The following PFKFB3 variants were observed in gnomAD, a reference collection of about 807,000 sequenced individuals.
PFKFB3 encodes 6-phosphofructo-2-kinase/fructose-2,6-biphosphatase 3.
A neutral mutation model predicts 68.0 loss-of-function variants in PFKFB3; 33 were observed. The ratio of observed to expected loss-of-function variants is 0.49; its 90% CI spans 0.37 to 0.65. PFKFB3 has a LOEUF of 0.65. Among genes scored for constraint, PFKFB3 ranks in the 30% least tolerant of loss-of-function variants. The pLI is 0.00. For synonymous variants in PFKFB3, 315 were observed against 288.2 expected, an observed-to-expected ratio of 1.09 and a Z score of -0.94; for missense variants, 586 against 712.2, an observed-to-expected ratio of 0.82 and a Z score of 2.02.
downstream of PFKFB3, among the ~76,000 whole-genome samples, chr10:6,257,264 T>C (rs1441707343): frequency 1.3e-5 from 2 of 152,310 alleles, no homozygotes; most frequent in East Asian, 3.9e-4. Flanking sequence ...GCCTATTGTA[T>C]CTAGGCTGTG....
In PFKFB3 at chr10:6,170,123, G is replaced by A. The variant is rs192225230; in HGVS notation, c.16+25110G>A. Among the ~76,000 whole-genome samples the A allele has an allele frequency of 1.5e-4, 23 of 152,250 alleles. 1 individual carries two copies. The highest frequency in any genetic ancestry group is 5.8e-4 in the East Asian group (3 of 5,170). On this transcript the variant is annotated intron_variant, in intron 1 of 14. Coordinates refer to the PFKFB3 transcript ENST00000379789. ...CACCCCGTGGTTCTTTAATGAAGAC[G>A]ATGGTTTTCCTTTTAAGCAAAAGAA... is the stretch of plus-strand genomic sequence containing the variant.
Position 6,205,779 on chromosome 10 carries a change from ATTATTTAT to A in PFKFB3, c.76+2465_76+2472del, listed in dbSNP as rs57825789. 5.4e-3 allele frequency among the ~76,000 whole-genome samples: 790 copies of A among 146,284 alleles called. 7 individuals carry two copies. Among genetic ancestry groups the A allele is most frequent in the African/African-American group, 0.016 (635 of 39,746 alleles). ...TCTGCAGCAGAGTTCCCTGAGGTTT[ATTATTTAT>A]TTATTTATTTATTTATTTATTCATT... On this transcript the variant is annotated intron_variant, in intron 1 of 14. Transcript: ENST00000379775.
At chr10:6,291,535 G>A in the PFKFB3 span, among the ~76,000 whole-genome samples, 1 of 143,212 alleles carries the variant, frequency 7.0e-6, no homozygotes, top group African/African-American at 2.6e-5. Context: ...CTGGGCAGTG[G>A]AATAAGTGAG....
intron 14 of PFKFB3, among the ~76,000 whole-genome samples, chr10:6,249,131 G>A (rs1421360075): frequency 2.1e-5 from 3 of 141,992 alleles, no homozygotes; most frequent in African/African-American, 5.3e-5. Context: ...CTGAGATTGC[G>A]CCATTGCACT....
intron 1 of PFKFB3, among the ~76,000 whole-genome samples, chr10:6,171,789 G>C (rs1419261107): frequency 6.6e-6 from 1 of 152,264 alleles, no homozygotes; most frequent in Non-Finnish European, 1.5e-5. Flanking sequence ...GTTGTTGGGG[G>C]TAGAAAAGTT....
intron 1 of PFKFB3, among the ~76,000 whole-genome samples, chr10:6,155,327 C>T (rs1023557069): frequency 8.6e-5 from 13 of 151,786 alleles, no homozygotes; most frequent in East Asian, 3.9e-4. Context: ...CTCAGCCTCC[C>T]GAGTAGCTGA....
intron 1 of PFKFB3, among the ~76,000 whole-genome samples, chr10:6,156,013 C>T (rs1049434187): frequency 6.6e-6 from 1 of 152,082 alleles, no homozygotes; most frequent in Admixed American, 6.6e-5. Flanking sequence ...CCCTCACCCC[C>T]GCTGCCATCC....
the PFKFB3 span, among the ~76,000 whole-genome samples, chr10:6,323,823 T>C: frequency 6.6e-6 from 1 of 152,204 alleles, no homozygotes; most frequent in Non-Finnish European, 1.5e-5. Context: ...GGTGAGATGC[T>C]GCAGCTTCTG....
the PFKFB3 span, among the ~76,000 whole-genome samples, chr10:6,266,320 C>A: frequency 1.3e-5 from 2 of 152,202 alleles, no homozygotes; most frequent in African/African-American, 4.8e-5. Flanking sequence ...ATAGGAGCAT[C>A]TTCAGGCTGG....
the PFKFB3 span, among the ~76,000 whole-genome samples, chr10:6,285,069 C>T: frequency 6.6e-6 from 1 of 152,110 alleles, no homozygotes; most frequent in Non-Finnish European, 1.5e-5. Flanking sequence ...ATCTGCTTAG[C>T]CTCCTGCTTT....
At chr10:6,236,109 G>A (rs565066564), downstream of PFKFB3, among the ~76,000 whole-genome samples, 238 of 152,106 alleles carry the variant, frequency 1.6e-3, 1 homozygote, top group Non-Finnish European at 2.4e-3. Flanking sequence ...CCTTCCCCGC[G>A]CCCTTTTAAA....
rs71391803 is a variant in PFKFB3 at position 6,249,178 on chromosome 10, TAAAAAAA to T, written c.1516-4981_1516-4975del. Among the ~76,000 whole-genome samples the T allele has an allele frequency of 2.6e-3, 198 of 76,962 alleles. 1 individual carries two copies. The highest frequency in any genetic ancestry group is 6.9e-3 in the African/African-American group (143 of 20,640). 50.5% of individuals were successfully genotyped at this position (76,962 alleles called of 152,430 possible). On this transcript the variant is annotated intron_variant, in intron 14 of 14. Coordinates refer to the PFKFB3 transcript ENST00000640683. Reference sequence around the variant, plus strand: ...AACAAGAGCAAAACTCCGTCTCAATTAAAAAAAAAAAAAAAAAAAAAAAAAGAAAAGA... The same window carrying T: ...AACAAGAGCAAAACTCCGTCTCAATTAAAAAAAAAAAAAAAAAAGAAAAGA...
chr10:6,158,339 G>A (rs959531219), intron 1 of PFKFB3, among the ~76,000 whole-genome samples: 1 of 151,936 alleles, frequency 6.6e-6, no homozygotes, highest in African/African-American at 2.4e-5. Flanking sequence ...CAGGCAGTGT[G>A]TAACAAAAGG....
intron 1 of PFKFB3, chr10:6,146,113 A>G (rs1841381146): frequency 1.9e-6 from 1 of 517,084 alleles, no homozygotes; most frequent in South Asian, 8.4e-5. Flanking sequence ...ACCTGGGCAC[A>G]CTAAGGACGT....
chr10:6,208,355 AGCCAGGGTACCTG>A (rs1441425001), intron 1 of PFKFB3, among the ~76,000 whole-genome samples: 1 of 125,062 alleles, frequency 8.0e-6, no homozygotes, highest in Non-Finnish European at 1.6e-5. Context: ...TACAGGTGTA[AGCCAGGGTACCTG>A]GCCTTTTTTT....
chr10:6,169,016 G>GCACAATCTCAGC (rs143686262), intron 1 of PFKFB3, among the ~76,000 whole-genome samples: 1 of 151,808 alleles, frequency 6.6e-6, no homozygotes, highest in Non-Finnish European at 1.5e-5. Flanking sequence ...GAGTGCACTG[G>GCACAATCTCAGC]TCACTGCAAC....
At chr10:6,278,204 CAGTGCCCGGCT>C in the PFKFB3 span, among the ~76,000 whole-genome samples, 1 of 152,122 alleles carries the variant, frequency 6.6e-6, no homozygotes, top group African/African-American at 2.4e-5. Context: ...GCGTGAGCCG[CAGTGCCCGGCT>C]AGTTTGTTCT....
the PFKFB3 span, among the ~76,000 whole-genome samples, chr10:6,276,407 T>A: frequency 1.4e-5 from 2 of 148,004 alleles, no homozygotes; most frequent in Non-Finnish European, 3.0e-5. Flanking sequence ...AAAAAAAAAA[T>A]CCCAAGAAAC....
chr10:6,204,850 C>T (rs1057199662), intron 1 of PFKFB3, among the ~76,000 whole-genome samples: 5 of 152,228 alleles, frequency 3.3e-5, no homozygotes, highest in Non-Finnish European at 5.9e-5. Flanking sequence ...GGAGGCTAGT[C>T]CCACATATGT....
Sources: gnomAD v4.1 joint callset for allele counts (sites outside exome capture counted in the v4.1 genomes callset) on GRCh38, gnomAD v4.1.1 for gene constraint, MANE v1.5 for transcripts, NCBI Gene and HGNC (gene_info 2026-07-23, HGNC 2026-07-21) for gene names.